The following SVEP1 variants were observed in gnomAD, a reference collection of about 807,000 sequenced individuals.
SVEP1 encodes sushi, von Willebrand factor type A, EGF and pentraxin domain containing 1.
A neutral mutation model predicts 367.3 loss-of-function variants in SVEP1; 164 were observed. That is an observed-to-expected ratio of 0.45 (90% CI 0.39 to 0.51). The LOEUF is 0.51. SVEP1 is among the 20% of genes least tolerant of loss of function. The probability of loss-of-function intolerance (pLI) is 0.00; values close to 1 mark genes in which losing one functional copy is unlikely to be tolerated. For synonymous variants in SVEP1, 1,666 were observed against 1,611.6 expected (o/e 1.03, Z -0.81); for missense variants, 4,117 against 4,425.3 (o/e 0.93, Z 1.98).
intron 32 of SVEP1, among the ~76,000 whole-genome samples, chr9:110,431,152 G>A (rs79544976): frequency 6.6e-6 from 1 of 152,128 alleles, no homozygotes; most frequent in African/African-American, 2.4e-5. Context: ...GCATAAAGAT[G>A]TATGTCCAAA....
At chr9:110,481,164 C>T (rs1829180723) in intron 12 of SVEP1, 78 bp downstream of exon 12, 1 of 1,126,508 alleles carries the variant, frequency 8.9e-7, no homozygotes. Context: ...TATCGTAAGG[C>T]AATTTTCCTC....
At position 110,579,580 on chromosome 9, in the gene SVEP1, CGGCGGCTCGGGCGGGAAGAGGCGCTG is replaced by C; in HGVS notation, c.-63_-38del. 15 of 1,528,790 alleles carry C rather than the reference CGGCGGCTCGGGCGGGAAGAGGCGCTG, an allele frequency of 9.8e-6. No homozygotes were observed. Among genetic ancestry groups the C allele is most frequent in the Non-Finnish European group, 1.3e-5 (15 of 1,143,632 alleles). The allele number at this position is 1,528,790 out of a possible 1,614,324, so 94.7% of individuals were successfully genotyped here. A position where few individuals can be genotyped will look rare whatever the true frequency, so the allele number is the denominator to read the frequency against. On this transcript the variant is annotated 5_prime_UTR_variant, in exon 1 of 48. Transcript: ENST00000374469. This position sits in a 1 kb window ranked among gnomAD's most constrained non-coding sequence, Gnocchi z 5.3. ...CAGAGCGGCTGCCCCGGAGCGCAGG[CGGCGGCTCGGGCGGGAAGAGGCGCTG>C]GGCGGCCGGACTCGCAGAGGGGCGT... is the stretch of plus-strand genomic sequence containing the variant.
intron 1 of SVEP1, among the ~76,000 whole-genome samples, chr9:110,556,945 C>T (rs1003968898): frequency 6.6e-6 from 1 of 152,210 alleles, no homozygotes; most frequent in Non-Finnish European, 1.5e-5. Flanking sequence ...GTGTTTCAAT[C>T]TGTTTTCCAC....
At chr9:110,519,348 G>A (rs1317837743) in intron 3 of SVEP1, among the ~76,000 whole-genome samples, 2 of 152,032 alleles carry the variant, frequency 1.3e-5, no homozygotes, top group Non-Finnish European at 2.9e-5. Context: ...ATGCTCTGGC[G>A]CTTGGTAAAT....
chr9:110,504,303 G>A (rs1044142640), intron 5 of SVEP1, among the ~76,000 whole-genome samples: 5 of 151,600 alleles, frequency 3.3e-5, no homozygotes, highest in South Asian at 4.2e-4. Flanking sequence ...CTTGTGATCC[G>A]CCAGCCTCGG....
intron 14 of SVEP1, among the ~76,000 whole-genome samples, chr9:110,475,524 C>T (rs1254371292): frequency 6.8e-6 from 1 of 147,266 alleles, no homozygotes; most frequent in Non-Finnish European, 1.5e-5. Flanking sequence ...ATAACAATAT[C>T]ATTATTATTA....
intron 41 of SVEP1, among the ~76,000 whole-genome samples, chr9:110,389,103 T>A (rs1290027556): frequency 1.3e-5 from 2 of 152,206 alleles, no homozygotes; most frequent in Admixed American, 6.5e-5. Flanking sequence ...ATGAGTTAAA[T>A]TCCATGCAAA....
chr9:110,432,865 C>T (rs536435205), intron 30 of SVEP1, among the ~76,000 whole-genome samples: 46 of 152,238 alleles, frequency 3.0e-4, no homozygotes, highest in Middle Eastern at 3.4e-3. Flanking sequence ...ACCCACTAGA[C>T]GCTGATAAAG....
rs7033808 is a variant in SVEP1, at chr9:110,412,262, C to T, written c.5976-527G>A. Among the ~76,000 whole-genome samples, 203 of 152,232 alleles carry T rather than the reference C, an allele frequency of 1.3e-3. 1 individual carries two copies. The highest frequency in any genetic ancestry group is 4.4e-3 in the African/African-American group (184 of 41,526). ...TGTTCTTAAGCTACAATGTACAATGCCATATTTAGCCTACATATAGCTCAT... is the reference window on the plus strand; with the variant it reads ...TGTTCTTAAGCTACAATGTACAATGTCATATTTAGCCTACATATAGCTCAT... On this transcript the variant is annotated intron_variant, in intron 36 of 47. Transcript: ENST00000374469.
At chr9:110,414,466 G>A (rs991130596) in intron 36 of SVEP1, among the ~76,000 whole-genome samples, 4 of 152,034 alleles carry the variant, frequency 2.6e-5, no homozygotes, top group African/African-American at 9.7e-5. Flanking sequence ...GCTGCATTTC[G>A]TTGCTTTAGA....
chr9:110,374,966 T>TG (rs941365415), intron 46 of SVEP1, among the ~76,000 whole-genome samples: 1 of 151,638 alleles, frequency 6.6e-6, no homozygotes, highest in Non-Finnish European at 1.5e-5. Flanking sequence ...AGTGTTTTTT[T>TG]TTTCATTTTA....
chr9:110,450,475 T>TTTG (rs1828676375), intron 23 of SVEP1, among the ~76,000 whole-genome samples: 1 of 146,472 alleles, frequency 6.8e-6, no homozygotes, highest in African/African-American at 2.5e-5. Flanking sequence ...CTGTTTTTTT[T>TTTG]TTTTTTTTTT....
chr9:110,574,093 C>T (rs954737461), intron 1 of SVEP1, among the ~76,000 whole-genome samples: 1 of 152,212 alleles, frequency 6.6e-6, no homozygotes, highest in Non-Finnish European at 1.5e-5. Flanking sequence ...AGAGAAGCAA[C>T]ACTGTTAATC....
At chr9:110,496,166 C>T (rs1420368538) in intron 8 of SVEP1, among the ~76,000 whole-genome samples, 2 of 152,184 alleles carry the variant, frequency 1.3e-5, no homozygotes, top group Admixed American at 1.3e-4. Flanking sequence ...AGAGTTCATA[C>T]ACAAAGAGTA....
intron 3 of SVEP1, among the ~76,000 whole-genome samples, chr9:110,534,589 G>A (rs10739306): frequency 0.69 from 104,575 of 152,056 alleles, 36,821 homozygotes; most frequent in Admixed American, 0.77. Flanking sequence ...TTAGCTCTTT[G>A]AGGAATCATC....
Position 110,458,515 on chromosome 9 carries a change from C to G in SVEP1, c.3532G>C (p.Ala1178Pro). 6.2e-7 allele frequency: 1 copy of G among 1,612,904 alleles called. No homozygotes were observed. Among genetic ancestry groups the G allele is most frequent in the Non-Finnish European group, 8.5e-7 (1 of 1,179,562 alleles). Residue 1178 changes from alanine (A) to proline (P), a missense_variant, in exon 20 of 48, where the codon GCC (alanine) becomes CCC (proline). By Grantham distance (27) the Ala-to-Pro change is conservative. Coordinates refer to ENST00000374469, the MANE Select transcript of SVEP1 (RefSeq NM_153366.4). ...SAAEESVVPP[A>P]SLGHIKKRHE... ...CTCTTTTTAATATGTCCAAGAGAGGCAGGGGGCACCACACTTTCCTCTGCC... is the reference window on the plus strand; with the variant it reads ...CTCTTTTTAATATGTCCAAGAGAGGGAGGGGGCACCACACTTTCCTCTGCC...
intron 40 of SVEP1, among the ~76,000 whole-genome samples, chr9:110,394,811 A>G (rs1437988500): frequency 4.6e-5 from 7 of 152,142 alleles, no homozygotes; most frequent in Admixed American, 3.3e-4. Context: ...AAAAAAGAAT[A>G]AAAAGAAATG....
intron 14 of SVEP1, among the ~76,000 whole-genome samples, chr9:110,475,478 T>G (rs1339835864): frequency 6.6e-6 from 1 of 152,168 alleles, no homozygotes; most frequent in Non-Finnish European, 1.5e-5. Flanking sequence ...AGTAGTTGGT[T>G]GTAGAGTCCA....
At chr9:110,467,699 G>A (rs748321133) in intron 17 of SVEP1, among the ~76,000 whole-genome samples, 8 of 150,820 alleles carry the variant, frequency 5.3e-5, no homozygotes, top group Non-Finnish European at 8.9e-5. Context: ...GCAGTGGTGC[G>A]GTCATAGCTC....
Sources: gnomAD v4.1 joint callset for allele counts (sites outside exome capture counted in the v4.1 genomes callset) on GRCh38, gnomAD v4.1.1 for gene constraint, Gnocchi (gnomAD v3.1) non-coding constraint, MANE v1.5 for transcripts, NCBI Gene and HGNC (gene_info 2026-07-23, HGNC 2026-07-21) for gene names.